Variants in TBX15 observed in about 807,000 individuals in gnomAD.
The protein encoded by TBX15 is T-box transcription factor TBX15.
A neutral mutation model predicts 53.9 loss-of-function variants in TBX15; 18 were observed. The ratio of observed to expected loss-of-function variants is 0.33; its 90% CI spans 0.23 to 0.49. TBX15 has a LOEUF of 0.49. Among genes scored for constraint, TBX15 ranks in the 20% least tolerant of loss-of-function variants. The pLI is 0.98. For missense variants in TBX15, 692 were observed against 749.5 expected (o/e 0.92, Z 0.90); for synonymous variants, 295 against 278.0 (o/e 1.06, Z -0.61).
chr1:118,961,718 T>G (rs938058366), intron 1 of TBX15, among the ~76,000 whole-genome samples: 3 of 152,210 alleles, frequency 2.0e-5, no homozygotes, highest in African/African-American at 7.2e-5. Context: ...TCTAACCCCA[T>G]TCTTTCCCAC....
intron 7 of TBX15, among the ~76,000 whole-genome samples, chr1:118,893,663 GA>G (rs1654296814): frequency 6.9e-6 from 1 of 145,510 alleles, no homozygotes; most frequent in Non-Finnish European, 1.5e-5. Flanking sequence ...GGGAAGGAAG[GA>G]AAATAAAAGA....
chr1:118,920,049 G>A (rs1487034356), intron 5 of TBX15, among the ~76,000 whole-genome samples: 2 of 152,156 alleles, frequency 1.3e-5, no homozygotes, highest in African/African-American at 2.4e-5. Flanking sequence ...ATTTGTAAAT[G>A]AGAATACTAA....
chr1:118,900,159 T>C (rs1008857294), intron 6 of TBX15, among the ~76,000 whole-genome samples: 1 of 151,910 alleles, frequency 6.6e-6, no homozygotes, highest in African/African-American at 2.4e-5. Context: ...AGAGGAGAAG[T>C]GTGGGACCTG....
chr1:118,909,729 C>T (rs924514794), intron 6 of TBX15, among the ~76,000 whole-genome samples: 3 of 152,134 alleles, frequency 2.0e-5, no homozygotes, highest in Admixed American at 6.5e-5. Context: ...ATTACAGGCA[C>T]GCGCCACCAT....
At chr1:118,916,504 T>C (rs912766014) in intron 5 of TBX15, among the ~76,000 whole-genome samples, 14 of 152,142 alleles carry the variant, frequency 9.2e-5, no homozygotes, top group African/African-American at 2.9e-4. Context: ...TCACTGATCA[T>C]TAGAGAAATG....
intron 1 of TBX15, among the ~76,000 whole-genome samples, chr1:118,966,949 T>C (rs59331689): frequency 0.19 from 29,451 of 152,170 alleles, 3,407 homozygotes; most frequent in East Asian, 0.5. Flanking sequence ...GTCAAAACAG[T>C]TAATCTGATA....
chr1:118,888,351 G>A (rs1187554084), intron 7 of TBX15, among the ~76,000 whole-genome samples: 5 of 152,100 alleles, frequency 3.3e-5, no homozygotes, highest in African/African-American at 9.7e-5. Flanking sequence ...AGTGTGAATC[G>A]CCAACAACAA....
chr1:118,917,560 T>C (rs1351329533), intron 5 of TBX15, among the ~76,000 whole-genome samples: 1 of 152,174 alleles, frequency 6.6e-6, no homozygotes, highest in Non-Finnish European at 1.5e-5. Context: ...ATATGTGTCG[T>C]GGAACTTAAA....
Position 118,885,355 on chromosome 1 carries a change from G to C in TBX15, c.1186C>G (p.Leu396Val). 6.2e-7 allele frequency: 1 copy of C among 1,614,016 alleles called. No homozygotes were observed. Among genetic ancestry groups the C allele is most frequent in the Non-Finnish European group, 8.5e-7 (1 of 1,180,030 alleles). ...CGGGCACATGGTGGATAATCAGAGAGGTTTAGATTACACAGCTGGCTTTCT... is the reference window on the plus strand; with the variant it reads ...CGGGCACATGGTGGATAATCAGAGACGTTTAGATTACACAGCTGGCTTTCT... ...CRESQLCNLN[L>V]SDYPPCARSN... The change falls in exon 8 of 8, where the codon CTC becomes GTC. Residue 396 changes from leucine (L) to valine (V), a missense_variant. Coordinates refer to ENST00000369429, the MANE Select transcript of TBX15 (RefSeq NM_001330677.2).
At chr1:118,906,581 C>A (rs1169040503) in intron 6 of TBX15, among the ~76,000 whole-genome samples, 1 of 152,186 alleles carries the variant, frequency 6.6e-6, no homozygotes, top group African/African-American at 2.4e-5. Context: ...CATGGGACAG[C>A]AGCTGCTGAA....
chr1:118,966,597 C>T (rs570674106), intron 1 of TBX15, among the ~76,000 whole-genome samples: 63 of 152,126 alleles, frequency 4.1e-4, no homozygotes, highest in East Asian at 2.7e-3. Context: ...AAATGAGGTA[C>T]GGAAAGGAGG....
chr1:118,933,194 G>A (rs192553974), intron 1 of TBX15, among the ~76,000 whole-genome samples: 91 of 152,036 alleles, frequency 6.0e-4, no homozygotes, highest in Non-Finnish European at 7.6e-4. Flanking sequence ...TTTTTCTCTT[G>A]CAACCCCAGG....
intron 1 of TBX15, among the ~76,000 whole-genome samples, chr1:118,948,952 T>A (rs2101651711): frequency 6.6e-6 from 1 of 152,358 alleles, no homozygotes; most frequent in East Asian, 1.9e-4. Context: ...TTCTTGCCAT[T>A]ATTTACAATT....
intron 1 of TBX15, among the ~76,000 whole-genome samples, chr1:118,953,878 T>C (rs1656598399): frequency 6.6e-6 from 1 of 152,210 alleles, no homozygotes; most frequent in Non-Finnish European, 1.5e-5. Flanking sequence ...TTGTCTTTAT[T>C]TGAGGAGGCA....
At chr1:118,973,851 G>C (rs772635787) in intron 1 of TBX15, among the ~76,000 whole-genome samples, 1 of 152,078 alleles carries the variant, frequency 6.6e-6, no homozygotes, top group Non-Finnish European at 1.5e-5. Context: ...AAATTGGCCT[G>C]TGTCTTCAGG....
chr1:118,960,977 C>G (rs570545342), intron 1 of TBX15, among the ~76,000 whole-genome samples: 1 of 152,152 alleles, frequency 6.6e-6, no homozygotes, highest in Admixed American at 6.5e-5. Context: ...GATCTGCAGG[C>G]AGCAGCAGTA....
chr1:118,908,715 C>T (rs767626082), intron 6 of TBX15, among the ~76,000 whole-genome samples: 6 of 152,180 alleles, frequency 3.9e-5, no homozygotes, highest in South Asian at 2.1e-4. Context: ...TGCTTCCCCA[C>T]GACGTGAACA....
intron 1 of TBX15, among the ~76,000 whole-genome samples, chr1:118,969,315 G>A (rs573486161): frequency 6.6e-6 from 1 of 152,304 alleles, no homozygotes; most frequent in South Asian, 2.1e-4. Flanking sequence ...ACCTTCTGGG[G>A]TTATTCTCTG....
intron 7 of TBX15, among the ~76,000 whole-genome samples, chr1:118,891,388 C>T (rs532368662): frequency 8.5e-5 from 13 of 152,272 alleles, no homozygotes; most frequent in African/African-American, 3.1e-4. Context: ...TGTTTTCTCC[C>T]CTACTTGTTT....
Sources: allele counts gnomAD v4.1 joint callset (sites outside exome capture counted in the v4.1 genomes callset), GRCh38; gene constraint gnomAD v4.1.1; transcripts MANE v1.5; gene names NCBI Gene and HGNC (gene_info 2026-07-23, HGNC 2026-07-21).